The following PPP2CB variants were observed in gnomAD, a reference collection of about 807,000 sequenced individuals.
PPP2CB encodes serine/threonine-protein phosphatase 2A catalytic subunit beta isoform.
PPP2CB carries 18 observed loss-of-function variants against 39.1 expected under a neutral mutation model. That is an observed-to-expected ratio of 0.46 (90% CI 0.32 to 0.68). The LOEUF (loss-of-function observed/expected upper bound fraction) is 0.68, where lower values mean the gene tolerates loss of function less well. Among genes scored for constraint, PPP2CB ranks in the 30% least tolerant of loss-of-function variants. The pLI is 0.04. For missense variants in PPP2CB, 226 were observed against 396.9 expected, an observed-to-expected ratio of 0.57 and a Z score of 3.66; for synonymous variants, 129 against 133.8, an observed-to-expected ratio of 0.96 and a Z score of 0.25.
chr8:30,790,867 C>T (rs61072973), intron 6 of PPP2CB: 3,583 of 211,066 alleles, frequency 0.017, 131 homozygotes, highest in African/African-American at 0.079. Context: ...CAGCGTAGAG[C>T]GCCTGTAGTC....
chr8:30,791,355 T>A (rs1182626297), intron 5 of PPP2CB, 40 bp from the exon 6 acceptor site: 3 of 1,417,436 alleles, frequency 2.1e-6, no homozygotes, highest in Non-Finnish European at 2.9e-6. Context: ...ATTATAATAT[T>A]ATGATTTTGA....
intron 5 of PPP2CB, among the ~76,000 whole-genome samples, chr8:30,791,722 C>T (rs1369709828): frequency 6.6e-6 from 1 of 151,910 alleles, no homozygotes; most frequent in Admixed American, 6.6e-5. Context: ...CAGTTTTCAT[C>T]AATAATCTCT....
At chr8:30,799,342 G>T (rs1363927252) in intron 2 of PPP2CB, among the ~76,000 whole-genome samples, 1 of 152,118 alleles carries the variant, frequency 6.6e-6, no homozygotes, top group Admixed American at 6.6e-5. Context: ...CTTCAGCTAT[G>T]GACTACTCGA....
chr8:30,804,328 G>C lies in PPP2CB; in HGVS notation c.103-4573C>G, dbSNP rs192707053. On this transcript the variant is annotated intron_variant, in intron 1 of 6. Transcript: ENST00000221138. The stretch of plus-strand genomic sequence containing the variant: ...TAGTGAAGAATTAACCTCACCCGAG[G>C]AGAGGTCTGGCCTTTGCCCCTGGAA... 1.9e-4 allele frequency among the ~76,000 whole-genome samples: 29 copies of C among 152,284 alleles called. 1 individual carries two copies. Among genetic ancestry groups the C allele is most frequent in the Admixed American group, 1.9e-3 (29 of 15,292 alleles).
At chr8:30,794,367 G>C (rs1281741439) in intron 3 of PPP2CB, 86 bp from the exon 4 acceptor site, 1 of 1,122,536 alleles carries the variant, frequency 8.9e-7, no homozygotes, top group African/African-American at 1.6e-5. Context: ...AAAAGTGTCA[G>C]TCCAAATAGT....
chr8:30,796,612 C>A (rs1333563790), intron 3 of PPP2CB, among the ~76,000 whole-genome samples: 1 of 152,110 alleles, frequency 6.6e-6, no homozygotes, highest in African/African-American at 2.4e-5. Context: ...TGGTCTCGAA[C>A]TCCCTACCTC....
chr8:30,812,497 C>A lies in PPP2CB; in HGVS notation c.-76G>T. ...CCCCCCTCCCCACCCGCCCCCGGCC[C>A]CGGCCCGGGCGCCGCTCCCCTCTCC... On this transcript the variant is annotated 5_prime_UTR_variant, in exon 1 of 7. Coordinates refer to ENST00000221138, the MANE Select transcript of PPP2CB (RefSeq NM_001009552.2). 9.0e-7 allele frequency: 1 copy of A among 1,109,854 alleles called. No homozygotes were observed. The highest frequency in any genetic ancestry group is 1.2e-6 in the Non-Finnish European group (1 of 830,474). 68.8% of individuals were successfully genotyped at this position (1,109,854 alleles called of 1,614,324 possible).
intron 3 of PPP2CB, 141 bp downstream of exon 3, chr8:30,797,440 A>T: frequency 7.3e-6 from 6 of 818,578 alleles, no homozygotes; most frequent in Non-Finnish European, 8.9e-6. Flanking sequence ...CTGCTTTGAA[A>T]TTTTAAGTAT....
chr8:30,795,695 A>G (rs1191823896), intron 3 of PPP2CB, among the ~76,000 whole-genome samples: 1 of 152,202 alleles, frequency 6.6e-6, no homozygotes, highest in Non-Finnish European at 1.5e-5. Context: ...TTAGCCTATA[A>G]AACTATTTAC....
At chr8:30,791,360 T>C in intron 5 of PPP2CB, 45 bp from the exon 6 acceptor site, 1 of 1,375,086 alleles carries the variant, frequency 7.3e-7, no homozygotes. Context: ...AATATTATGA[T>C]TTTGACACAG....
intron 1 of PPP2CB, among the ~76,000 whole-genome samples, chr8:30,810,581 A>G (rs2128763170): frequency 6.6e-6 from 1 of 152,402 alleles, no homozygotes; most frequent in Non-Finnish European, 1.5e-5. Flanking sequence ...TCAAACCTGT[A>G]CATTTCACTT....
chr8:30,786,475 CAACT>C (rs1806343878), intron 6 of PPP2CB, 168 bp from the exon 7 acceptor site: 2 of 480,538 alleles, frequency 4.2e-6, no homozygotes, highest in Non-Finnish European at 7.2e-6. Context: ...GCTCCCATTC[CAACT>C]AACTGCTTCA....
intron 1 of PPP2CB, among the ~76,000 whole-genome samples, chr8:30,810,528 T>C (rs1806807872): frequency 6.6e-6 from 1 of 152,242 alleles, no homozygotes; most frequent in South Asian, 2.1e-4. Context: ...ACTTCAAGTC[T>C]GTATTCTGAT....
intron 1 of PPP2CB, among the ~76,000 whole-genome samples, chr8:30,806,685 C>G (rs1258504420): frequency 6.6e-6 from 1 of 151,934 alleles, no homozygotes; most frequent in African/African-American, 2.4e-5. Context: ...TTCCTTTTAC[C>G]AAGGAAGGGC....
chr8:30,802,164 T>A (rs958118959), intron 1 of PPP2CB, among the ~76,000 whole-genome samples: 13 of 152,226 alleles, frequency 8.5e-5, no homozygotes, highest in Non-Finnish European at 1.5e-5. Context: ...AATGAGATTA[T>A]ATGCAATGAA....
chr8:30,792,784 A>AT (rs1365473364), intron 5 of PPP2CB, among the ~76,000 whole-genome samples: 1 of 152,158 alleles, frequency 6.6e-6, no homozygotes, highest in East Asian at 1.9e-4. Context: ...TACATCCCAA[A>AT]TAACAGCTAA....
rs1586130987 is a variant in PPP2CB, at chr8:30,812,722, C to A, written c.-301G>T. 1 of 463,328 alleles carries A rather than the reference C, an allele frequency of 2.2e-6. No individual in the cohort carries two copies. The highest frequency in any genetic ancestry group is 2.5e-5 in the Admixed American group (1 of 40,696). 28.7% of individuals were successfully genotyped at this position (463,328 alleles called of 1,614,324 possible). A position where few individuals can be genotyped will look rare whatever the true frequency, so the allele number is the denominator to read the frequency against. The stretch of plus-strand genomic sequence containing the variant: ...AGGTGCCGGGGAGCGCGGCGCGGGT[C>A]CTCGGCCTAGCTCTCGCCGGACGAA... On this transcript the variant is annotated 5_prime_UTR_variant, in exon 1 of 7. Transcript: ENST00000221138.
intron 1 of PPP2CB, among the ~76,000 whole-genome samples, chr8:30,801,833 T>C (rs28714262): frequency 0.25 from 38,376 of 152,010 alleles, 6,626 homozygotes; most frequent in African/African-American, 0.48. Flanking sequence ...TAGCCCCAGA[T>C]TACTTTATGC....
At chr8:30,800,630 C>A (rs746290337) in intron 1 of PPP2CB, among the ~76,000 whole-genome samples, 8 of 152,188 alleles carry the variant, frequency 5.3e-5, no homozygotes, top group Admixed American at 1.3e-4. Flanking sequence ...ATCGATCTGG[C>A]CTCTCTGCCT....
Sources: gnomAD v4.1 joint callset for allele counts (sites outside exome capture counted in the v4.1 genomes callset) on GRCh38, gnomAD v4.1.1 for gene constraint, MANE v1.5 for transcripts, NCBI Gene and HGNC (gene_info 2026-07-23, HGNC 2026-07-21) for gene names.